Variants in IL15 observed in about 807,000 individuals in gnomAD.
IL15 encodes the protein interleukin 15, also known as interleukin-15.
A neutral mutation model predicts 19.6 loss-of-function variants in IL15; 11 were observed. The observed-to-expected ratio is 0.56, with a 90% CI of 0.35 to 0.93. IL15 has a LOEUF of 0.93. Ranked by LOEUF, IL15 falls within the 40% of genes least tolerant of loss-of-function variation. The pLI is 0.01. For missense variants in IL15, 197 were observed against 186.5 expected, an observed-to-expected ratio of 1.06 and a Z score of -0.33; for synonymous variants, 58 against 59.6, an observed-to-expected ratio of 0.97 and a Z score of 0.12.
At chr4:141,652,907 GTACTA>G (rs1727458009) in intron 1 of IL15, among the ~76,000 whole-genome samples, 1 of 152,136 alleles carries the variant, frequency 6.6e-6, no homozygotes, top group African/African-American at 2.4e-5. Flanking sequence ...AGTGGGAGAT[GTACTA>G]TATCATTAGG....
rs539826050 is a variant in IL15 at position 141,660,861 on chromosome 4, A to G, written c.-100+4554A>G. 2.0e-5 allele frequency among the ~76,000 whole-genome samples: 3 copies of G among 152,322 alleles called. No homozygotes were observed. The South Asian group carries it at 6.2e-4, about 32-fold the overall frequency. On this transcript the variant is annotated intron_variant, in intron 2 of 7. Transcript: ENST00000320650. Reference sequence around the variant, plus strand: ...GGAAGGGAACTAAGATGTCTAAAGTATAAATATTTTAATGGTGCTCTTATC... The same window carrying G: ...GGAAGGGAACTAAGATGTCTAAAGTGTAAATATTTTAATGGTGCTCTTATC...
Position 141,718,675 on chromosome 4 carries a change from C to A in IL15, c.-99-691C>A, listed in dbSNP as rs890502994. On this transcript the variant is annotated intron_variant, in intron 2 of 7. Transcript: ENST00000320650. ...ATCTGAAAAGTATAATAATTTAATT[C>A]TTTGTGTTTATGGAACTTAATTCAG... is the stretch of plus-strand genomic sequence containing the variant. 7 of 151,932 alleles carry A rather than the reference C, an allele frequency of 4.6e-5. 1 individual carries two copies. The East Asian group carries it at 5.8e-4, about 13-fold the overall frequency. The allele number at this position is 151,932 out of a possible 1,614,324, so 9.4% of individuals were successfully genotyped here.
intron 2 of IL15, among the ~76,000 whole-genome samples, chr4:141,664,342 A>AACACACACACACACAC (rs35153516): frequency 2.1e-4 from 27 of 130,950 alleles, no homozygotes; most frequent in Non-Finnish European, 3.0e-4. Context: ...TGGTGGGCAA[A>AACACACACACACACAC]ACACACACAC....
intron 2 of IL15, among the ~76,000 whole-genome samples, chr4:141,692,769 T>C (rs1728956102): frequency 6.6e-6 from 1 of 152,062 alleles, no homozygotes; most frequent in African/African-American, 2.4e-5. Flanking sequence ...GTCAAAATTA[T>C]ACAACAAGTC....
At chr4:141,721,227 T>C (rs1040152719) in intron 4 of IL15, 3 of 779,932 alleles carry the variant, frequency 3.8e-6, no homozygotes, top group Non-Finnish European at 6.8e-6. Flanking sequence ...TGCTTCTGTG[T>C]AAGATCCATC....
At chr4:141,670,864 G>A (rs886844222) in intron 2 of IL15, among the ~76,000 whole-genome samples, 1 of 152,100 alleles carries the variant, frequency 6.6e-6, no homozygotes, top group Non-Finnish European at 1.5e-5. Context: ...ACACATTCAG[G>A]AATATAACAT....
intron 2 of IL15, among the ~76,000 whole-genome samples, chr4:141,684,992 G>A (rs780987298): frequency 6.6e-6 from 1 of 151,588 alleles, no homozygotes; most frequent in East Asian, 1.9e-4. Context: ...TCATGAAATA[G>A]TGTAAGTCAA....
intron 2 of IL15, among the ~76,000 whole-genome samples, chr4:141,682,100 C>T (rs1336463045): frequency 6.6e-6 from 1 of 152,076 alleles, no homozygotes; most frequent in African/African-American, 2.4e-5. Context: ...ATTAATGTAA[C>T]CTTTTGTTTT....
intron 2 of IL15, among the ~76,000 whole-genome samples, chr4:141,703,735 T>TAAA (rs1218181713): frequency 8.6e-6 from 1 of 116,516 alleles, no homozygotes; most frequent in Non-Finnish European, 1.9e-5. Context: ...TCTGCTATCT[T>TAAA]GAAAAAAAAA....
intron 1 of IL15, among the ~76,000 whole-genome samples, chr4:141,645,207 T>C (rs1194939549): frequency 6.6e-6 from 1 of 152,186 alleles, no homozygotes; most frequent in East Asian, 1.9e-4. Flanking sequence ...CAGAAAATCC[T>C]TGAGACAAGT....
At chr4:141,683,838 A>G (rs1314218091) in intron 2 of IL15, among the ~76,000 whole-genome samples, 1 of 152,226 alleles carries the variant, frequency 6.6e-6, no homozygotes, top group African/African-American at 2.4e-5. Flanking sequence ...TCTGGGGAAA[A>G]ATGGCATTGC....
intron 1 of IL15, among the ~76,000 whole-genome samples, chr4:141,644,447 C>T (rs531627814): frequency 6.6e-6 from 1 of 152,304 alleles, no homozygotes; most frequent in Admixed American, 6.5e-5. Context: ...ATGTCTAGAA[C>T]ATCAGCTTGG....
At position 141,650,552 on chromosome 4, in the gene IL15, G is replaced by T. The variant is rs151243808; in HGVS notation, c.-221-5634G>T. Among the ~76,000 whole-genome samples, 149 of 152,170 alleles carry T rather than the reference G, an allele frequency of 9.8e-4. 1 individual carries two copies. The highest frequency in any genetic ancestry group is 3.2e-3 in the African/African-American group (134 of 41,542). On this transcript the variant is annotated intron_variant, in intron 1 of 7. Transcript: ENST00000320650. ...ATGAACTTCTGGTGAAGAATTAAAG[G>T]AGGGATCCAAAACACATTGCTAAAT...
intron 5 of IL15, among the ~76,000 whole-genome samples, chr4:141,722,922 A>G (rs1467013467): frequency 6.6e-6 from 1 of 152,190 alleles, no homozygotes; most frequent in African/African-American, 2.4e-5. Context: ...TGAATGACAG[A>G]GGAATGATAG....
chr4:141,638,723 G>A (rs559405030), intron 1 of IL15, among the ~76,000 whole-genome samples: 3 of 152,242 alleles, frequency 2.0e-5, no homozygotes, highest in Non-Finnish European at 4.4e-5. Context: ...TAAAGCCTAC[G>A]GGATACTCCA....
intron 1 of IL15, among the ~76,000 whole-genome samples, chr4:141,639,955 A>G (rs757331168): frequency 6.6e-6 from 1 of 151,982 alleles, no homozygotes; most frequent in Non-Finnish European, 1.5e-5. Flanking sequence ...CTATATGTCT[A>G]TATGTGTGCA....
At chr4:141,649,548 G>A (rs904160759) in intron 1 of IL15, among the ~76,000 whole-genome samples, 1 of 152,016 alleles carries the variant, frequency 6.6e-6, no homozygotes, top group Non-Finnish European at 1.5e-5. Context: ...GAGAGGAGGT[G>A]AAATTTTCAT....
chr4:141,640,588 A>AT (rs1018720397), intron 1 of IL15, among the ~76,000 whole-genome samples: 3 of 152,206 alleles, frequency 2.0e-5, no homozygotes, highest in African/African-American at 7.2e-5. Flanking sequence ...AAACAAAAAA[A>AT]AAAGTTGTTT....
At position 141,685,102 on chromosome 4, in the gene IL15, T is replaced by A. The variant is rs181202221; in HGVS notation, c.-100+28795T>A. On this transcript the variant is annotated intron_variant, in intron 2 of 7. Coordinates refer to ENST00000320650, the MANE Select transcript of IL15 (RefSeq NM_000585.5). ...ATGGACATTTATTAAACTTCTGTCA[T>A]GTACGTTGCGATGTTATACACTATA... Among the ~76,000 whole-genome samples, 131 of 152,328 alleles carry A rather than the reference T, an allele frequency of 8.6e-4. 2 individuals are homozygous for A. The highest frequency in any genetic ancestry group is 3.4e-3 in the Middle Eastern group (1 of 294).
Sources: gnomAD v4.1 joint callset for allele counts (sites outside exome capture counted in the v4.1 genomes callset) on GRCh38, gnomAD v4.1.1 for gene constraint, MANE v1.5 for transcripts, NCBI Gene and HGNC (gene_info 2026-07-23, HGNC 2026-07-21) for gene names.